The following ENPP6 variants were observed in gnomAD, a reference collection of about 807,000 sequenced individuals.
The protein encoded by ENPP6 is ectonucleotide pyrophosphatase/phosphodiesterase 6, also known as glycerophosphocholine cholinephosphodiesterase ENPP6.
In ENPP6, 32 loss-of-function variants were observed where a neutral mutation model predicts 42.0. The observed-to-expected ratio is 0.76, with a 90% CI of 0.58 to 1.02. ENPP6 has a LOEUF of 1.02. Ranked by LOEUF, ENPP6 falls within the 50% of genes least tolerant of loss-of-function variation. The probability of loss-of-function intolerance (pLI) is 0.00; values close to 1 mark genes in which losing one functional copy is unlikely to be tolerated. For synonymous variants in ENPP6, 213 were observed against 216.0 expected, an observed-to-expected ratio of 0.99 and a Z score of 0.12; for missense variants, 552 against 566.8, an observed-to-expected ratio of 0.97 and a Z score of 0.27.
chr4:184,118,008 T>A, intron 3 of ENPP6, 108 bp from the exon 4 acceptor site: 1 of 1,398,574 alleles, frequency 7.2e-7, no homozygotes, highest in Non-Finnish European at 9.6e-7. Context: ...CGAAACCTTG[T>A]CCCTGGGCCA....
intron 2 of ENPP6, among the ~76,000 whole-genome samples, chr4:184,145,996 ACT>A (rs1222488899): frequency 2.8e-5 from 4 of 144,884 alleles, no homozygotes; most frequent in Non-Finnish European, 3.0e-5. Flanking sequence ...AATATTCATG[ACT>A]CTGTGATTTT....
At chr4:184,193,485 C>A (rs1033320049) in intron 1 of ENPP6, among the ~76,000 whole-genome samples, 1 of 152,154 alleles carries the variant, frequency 6.6e-6, no homozygotes, top group African/African-American at 2.4e-5. Flanking sequence ...GGATGGGAAG[C>A]AACTGCAGGG....
chr4:184,187,532 G>A (rs1427532491), intron 1 of ENPP6, among the ~76,000 whole-genome samples: 1 of 152,170 alleles, frequency 6.6e-6, no homozygotes. Flanking sequence ...GCTGTTCCCT[G>A]CCTGGAATGC....
intron 2 of ENPP6, among the ~76,000 whole-genome samples, chr4:184,149,883 C>T (rs147899283): frequency 1.1e-3 from 170 of 152,298 alleles, no homozygotes; most frequent in African/African-American, 4.0e-3. Context: ...TCCCTATTTT[C>T]CCTCCTTCCT....
chr4:184,120,750 T>C (rs1422233295), intron 3 of ENPP6, among the ~76,000 whole-genome samples: 1 of 152,194 alleles, frequency 6.6e-6, no homozygotes, highest in Non-Finnish European at 1.5e-5. Flanking sequence ...ATGGCTCCGG[T>C]GCCTGGGCTG....
At chr4:184,131,201 CTT>C (rs1560987292) in intron 2 of ENPP6, among the ~76,000 whole-genome samples, 1,183 of 70,686 alleles carry the variant, frequency 0.017, 81 homozygotes, top group African/African-American at 0.048. Context: ...TTCTTTCTTT[CTT>C]CTTTCTTTCT....
intron 1 of ENPP6, among the ~76,000 whole-genome samples, chr4:184,192,619 C>G (rs926124420): frequency 6.6e-6 from 1 of 152,098 alleles, no homozygotes; most frequent in Non-Finnish European, 1.5e-5. Context: ...ACAATAAATG[C>G]TTTTGTACAG....
Position 184,112,666 on chromosome 4 carries a change from A to G in ENPP6, c.993+6T>C. On this transcript the variant is annotated splice_donor_region_variant and intron_variant, in intron 6 of 7. Transcript: ENST00000296741. ...GAGAATAAATTGGCACATATTTCAT[A>G]ATTACCTCAGTTATGAACCAGCCTT... 2 of 1,610,774 alleles carry G rather than the reference A, an allele frequency of 1.2e-6. No homozygotes were observed. The highest frequency in any genetic ancestry group is 1.7e-6 in the Non-Finnish European group (2 of 1,178,956).
intron 1 of ENPP6, among the ~76,000 whole-genome samples, chr4:184,156,237 G>A (rs1317511240): frequency 6.6e-6 from 1 of 152,190 alleles, no homozygotes; most frequent in Non-Finnish European, 1.5e-5. Context: ...TTTCCCGGAA[G>A]CTGGCAGGAG....
At chr4:184,150,942 A>G (rs1216333615) in intron 2 of ENPP6, among the ~76,000 whole-genome samples, 1 of 152,230 alleles carries the variant, frequency 6.6e-6, no homozygotes, top group Non-Finnish European at 1.5e-5. Flanking sequence ...GTCCCTTCTT[A>G]TCCTGAAGGA....
At chr4:184,144,151 G>A (rs1475997578) in intron 2 of ENPP6, among the ~76,000 whole-genome samples, 9 of 152,332 alleles carry the variant, frequency 5.9e-5, no homozygotes, top group Middle Eastern at 3.4e-3. Context: ...CGTATGATGC[G>A]GAAAGGGTGC....
At chr4:184,175,471 T>C (rs1035902319) in intron 1 of ENPP6, among the ~76,000 whole-genome samples, 80 of 152,284 alleles carry the variant, frequency 5.3e-4, no homozygotes, top group African/African-American at 1.9e-3. Context: ...TCTACACCAC[T>C]ATGAGTTGAT....
chr4:184,137,827 C>T (rs554328136), intron 2 of ENPP6, among the ~76,000 whole-genome samples: 1 of 152,264 alleles, frequency 6.6e-6, no homozygotes, highest in Non-Finnish European at 1.5e-5. Flanking sequence ...GTCTCTTGAC[C>T]TCTCAACTGC....
intron 7 of ENPP6, among the ~76,000 whole-genome samples, chr4:184,093,640 AAATAATAATAATAAT>A (rs370411138): frequency 1.5e-3 from 199 of 132,452 alleles, no homozygotes; most frequent in African/African-American, 5.2e-3. Flanking sequence ...CTCTGTCTCA[AAATAATAATAATAAT>A]AATAATAATA....
intron 1 of ENPP6, among the ~76,000 whole-genome samples, chr4:184,175,191 C>T (rs1308845493): frequency 6.6e-6 from 1 of 152,154 alleles, no homozygotes; most frequent in Non-Finnish European, 1.5e-5. Context: ...CCGGAACTCT[C>T]GGTTTCTCTC....
At position 184,140,978 on chromosome 4, in the gene ENPP6, C is replaced by T. The variant is rs559862429; in HGVS notation, c.421+12576G>A. Among the ~76,000 whole-genome samples, 46 of 132,140 alleles carry T rather than the reference C, an allele frequency of 3.5e-4. 1 individual carries two copies. Among genetic ancestry groups the T allele is most frequent in the South Asian group, 1.7e-3 (6 of 3,518 alleles). The allele number at this position is 132,140 out of a possible 152,430, so 86.7% of individuals were successfully genotyped here. A position where few individuals can be genotyped will look rare whatever the true frequency, so the allele number is the denominator to read the frequency against. ...AACCTACAAAATGGGAGAAAATTTT[C>T]GCAACCTACTCATCTGACAAAGGGC... On this transcript the variant is annotated intron_variant, in intron 2 of 7. Transcript: ENST00000296741.
rs1268650450 is a variant in ENPP6, at chr4:184,153,540, G to T, written c.421+14C>A. The T allele has an allele frequency of 6.2e-7, 1 of 1,602,862 alleles. No homozygotes were observed. The highest frequency in any genetic ancestry group is 1.7e-5 in the Admixed American group (1 of 58,140). ...TGATGATTTGAGATTTGGAATGGAT[G>T]TTCACACACTCACCTGGCCAGTAGT... is the stretch of plus-strand genomic sequence containing the variant. On this transcript the variant is annotated intron_variant, in intron 2 of 7. Transcript: ENST00000296741.
At chr4:184,215,938 G>A (rs1733188457) in intron 1 of ENPP6, among the ~76,000 whole-genome samples, 2 of 152,208 alleles carry the variant, frequency 1.3e-5, no homozygotes, top group African/African-American at 4.8e-5. Flanking sequence ...TATCAGGAGT[G>A]TGGATCTGAC....
chr4:184,130,694 A>T (rs545209146), intron 2 of ENPP6, among the ~76,000 whole-genome samples: 1 of 145,026 alleles, frequency 6.9e-6, no homozygotes, highest in Admixed American at 6.9e-5. Flanking sequence ...TACATTCTAT[A>T]TCATTTGCAG....
Sources: allele counts gnomAD v4.1 joint callset (sites outside exome capture counted in the v4.1 genomes callset), GRCh38; gene constraint gnomAD v4.1.1; transcripts MANE v1.5; gene names NCBI Gene and HGNC (gene_info 2026-07-23, HGNC 2026-07-21).